FUT8: variants seen among roughly 807,000 people sequenced by gnomAD.
FUT8 encodes the protein fucosyltransferase 8.
A neutral mutation model predicts 71.3 loss-of-function variants in FUT8; 29 were observed. The ratio of observed to expected loss-of-function variants is 0.41; its 90% CI spans 0.30 to 0.55. The LOEUF (loss-of-function observed/expected upper bound fraction) is 0.55, where lower values mean the gene tolerates loss of function less well. Among genes scored for constraint, FUT8 ranks in the 20% least tolerant of loss-of-function variants. The probability of loss-of-function intolerance (pLI) is 0.34; values close to 1 mark genes in which losing one functional copy is unlikely to be tolerated. For synonymous variants in FUT8, 254 were observed against 239.3 expected (o/e 1.06, Z -0.57); for missense variants, 544 against 702.1 (o/e 0.77, Z 2.55).
At chr14:65,391,500 C>T in the FUT8 span, among the ~76,000 whole-genome samples, 4 of 152,262 alleles carry the variant, frequency 2.6e-5, no homozygotes, top group African/African-American at 9.6e-5. Context: ...GGACTACAGG[C>T]AAATGCCACC....
intron 6 of FUT8, among the ~76,000 whole-genome samples, chr14:65,655,912 C>T (rs1290127592): frequency 6.6e-6 from 1 of 152,110 alleles, no homozygotes; most frequent in Non-Finnish European, 1.5e-5. Context: ...TTTAACTTCC[C>T]TTCATGATAA....
At chr14:65,581,901 A>G (rs1237301511) in intron 3 of FUT8, among the ~76,000 whole-genome samples, 15 of 152,140 alleles carry the variant, frequency 9.9e-5, no homozygotes, top group Admixed American at 9.8e-4. Flanking sequence ...TCACATATAA[A>G]TTGTGGTTTA....
chr14:65,733,959 G>A (rs74448795), intron 10 of FUT8, among the ~76,000 whole-genome samples: 4,453 of 152,266 alleles, frequency 0.029, 215 homozygotes, highest in African/African-American at 0.1. Flanking sequence ...TGGGTTTGGT[G>A]TATGTGTTTT....
chr14:65,648,967 C>T (rs757882740), intron 6 of FUT8, among the ~76,000 whole-genome samples: 4 of 152,088 alleles, frequency 2.6e-5, no homozygotes, highest in East Asian at 1.9e-4. Flanking sequence ...GAGTCTCTGA[C>T]GATATTTGAA....
At chr14:65,723,011 T>C (rs1895495935) in intron 8 of FUT8, among the ~76,000 whole-genome samples, 1 of 152,150 alleles carries the variant, frequency 6.6e-6, no homozygotes, top group Admixed American at 6.5e-5. Flanking sequence ...GTTATTTTTA[T>C]TTCCATTAAT....
At chr14:65,404,129 GT>G in the FUT8 span, among the ~76,000 whole-genome samples, 22 of 151,764 alleles carry the variant, frequency 1.4e-4, no homozygotes, top group South Asian at 2.3e-3. Flanking sequence ...GCCTCCCAAA[GT>G]GCTGGGATTA....
intron 5 of FUT8, among the ~76,000 whole-genome samples, chr14:65,622,343 A>C (rs1248269433): frequency 6.6e-6 from 1 of 152,184 alleles, no homozygotes; most frequent in Non-Finnish European, 1.5e-5. Flanking sequence ...TACTTTACCT[A>C]GTGCGTGACA....
At chr14:65,632,050 A>G (rs1291018657) in intron 6 of FUT8, among the ~76,000 whole-genome samples, 4 of 152,196 alleles carry the variant, frequency 2.6e-5, no homozygotes, top group African/African-American at 9.7e-5. Flanking sequence ...TTATGGCCAA[A>G]TAGTATTCCA....
chr14:65,443,226 C>G (rs979856489), intron 1 of FUT8, among the ~76,000 whole-genome samples: 1 of 151,294 alleles, frequency 6.6e-6, no homozygotes, highest in African/African-American at 2.4e-5. Flanking sequence ...CTGGCTAACG[C>G]GGTGAAACCC....
chr14:65,699,721 G>A (rs1240089188), intron 7 of FUT8, among the ~76,000 whole-genome samples: 1 of 152,100 alleles, frequency 6.6e-6, no homozygotes, highest in Non-Finnish European at 1.5e-5. Flanking sequence ...TATTCTTTCA[G>A]TAATCTTTCT....
chr14:65,475,601 G>A (rs1176511478), intron 2 of FUT8, among the ~76,000 whole-genome samples: 1 of 152,028 alleles, frequency 6.6e-6, no homozygotes, highest in African/African-American at 2.4e-5. Context: ...AATTAGCCAA[G>A]CATGGTGGTG....
At chr14:65,569,098 A>G (rs1218139564) in intron 3 of FUT8, among the ~76,000 whole-genome samples, 2 of 151,544 alleles carry the variant, frequency 1.3e-5, no homozygotes, top group African/African-American at 4.8e-5. Flanking sequence ...GAAGTCTGCA[A>G]TTTTAAGAAG....
intron 2 of FUT8, among the ~76,000 whole-genome samples, chr14:65,549,597 G>T (rs1885171689): frequency 6.6e-6 from 1 of 152,150 alleles, no homozygotes; most frequent in Admixed American, 6.5e-5. Flanking sequence ...CAAAAATGGG[G>T]AAGTGCTTAC....
At chr14:65,468,343 CT>C in intron 2 of FUT8, 1 of 577,180 alleles carries the variant, frequency 1.7e-6, no homozygotes, top group Non-Finnish European at 3.3e-6. Context: ...TGTGTTCGTC[CT>C]TTTGGCGAAT....
At chr14:65,411,932 G>T, upstream of FUT8, 1 of 432,486 alleles carries the variant, frequency 2.3e-6, no homozygotes, top group Non-Finnish European at 4.6e-6. Flanking sequence ...GGCTGCTCTG[G>T]GGCAGCCCTT....
intron 2 of FUT8, among the ~76,000 whole-genome samples, chr14:65,542,823 C>G (rs1042177417): frequency 2.8e-4 from 43 of 151,976 alleles, no homozygotes; most frequent in Non-Finnish European, 5.7e-4. Context: ...GCTCTTGTTG[C>G]CCAGGCTGGA....
intron 7 of FUT8, among the ~76,000 whole-genome samples, chr14:65,677,149 T>TGTGTGTGTGTGCGC (rs1555383277): frequency 1.2e-5 from 1 of 84,530 alleles, no homozygotes; most frequent in Admixed American, 1.3e-4. Context: ...TGTGTGTGTG[T>TGTGTGTGTGTGCGC]GTGCGCGCGC....
intron 7 of FUT8, among the ~76,000 whole-genome samples, chr14:65,721,124 T>C (rs1242022239): frequency 6.6e-6 from 1 of 152,188 alleles, no homozygotes; most frequent in Non-Finnish European, 1.5e-5. Flanking sequence ...ACCTGATTTT[T>C]GGTTCTTGTG....
At chr14:65,712,169 T>C (rs1894838525) in intron 7 of FUT8, among the ~76,000 whole-genome samples, 1 of 152,218 alleles carries the variant, frequency 6.6e-6, no homozygotes, top group Non-Finnish European at 1.5e-5. Context: ...GTGAAATATT[T>C]CTGGTATCTT....
Sources: allele counts gnomAD v4.1 joint callset (sites outside exome capture counted in the v4.1 genomes callset), GRCh38; gene constraint gnomAD v4.1.1; transcripts MANE v1.5; gene names NCBI Gene and HGNC (gene_info 2026-07-23, HGNC 2026-07-21).